MPDZ: variants seen among roughly 807,000 people sequenced by gnomAD.
MPDZ encodes multiple PDZ domain crumbs cell polarity complex component.
A neutral mutation model predicts 239.1 loss-of-function variants in MPDZ; 234 were observed. The ratio of observed to expected loss-of-function variants is 0.98; its 90% confidence interval spans 0.88 to 1.09. The LOEUF (loss-of-function observed/expected upper bound fraction) is 1.09. Ranked by LOEUF, MPDZ falls within the 50% of genes least tolerant of loss-of-function variation. MPDZ has a pLI of 0.00. For missense variants in MPDZ, 3,175 were observed against 2,510.0 expected (o/e 1.26, Z -5.66); for synonymous variants, 1,048 against 881.3 (o/e 1.19, Z -3.35).
chr9:13,127,984 G>A (rs1032480597), intron 32 of MPDZ, among the ~76,000 whole-genome samples: 1 of 152,024 alleles, frequency 6.6e-6, no homozygotes, highest in Non-Finnish European at 1.5e-5. Flanking sequence ...TGGTACAGTG[G>A]GTATTTGCTG....
At chr9:13,224,329 A>G in intron 4 of MPDZ, 45 bp downstream of exon 4, 1 of 1,449,380 alleles carries the variant, frequency 6.9e-7, no homozygotes, top group African/African-American at 1.4e-5. Flanking sequence ...ACATTCTTAA[A>G]TTACTACAGG....
At position 13,190,267 on chromosome 9, in the gene MPDZ, T is replaced by C. The variant is rs1311917066; in HGVS notation, c.2001A>G (p.Ser667=). The C allele has an allele frequency of 6.8e-6, 11 of 1,608,058 alleles. No individual in the cohort carries two copies. The highest frequency in any genetic ancestry group is 9.3e-6 in the Non-Finnish European group (11 of 1,177,470). The change falls in exon 16 of 47, where the codon TCA becomes TCG. Residue 667 remains serine (S), a synonymous_variant. Transcript: ENST00000319217. Reference sequence around the variant, plus strand: ...CCAGCACTGGATCCTCTGTCTCTGATGACCCGATGAACTCACCTAGATCTA... The same window carrying C: ...CCAGCACTGGATCCTCTGTCTCTGACGACCCGATGAACTCACCTAGATCTA... ...PHVDLGEFIG[S]SETEDPVLAM...
At chr9:13,134,374 G>A (rs543756890) in intron 31 of MPDZ, 1 of 152,180 alleles carries the variant, frequency 6.6e-6, no homozygotes, top group Non-Finnish European at 1.5e-5. Context: ...GACATATTTA[G>A]TACAACTAAT....
Position 13,186,398 on chromosome 9 carries a change from A to G in MPDZ, c.2365-12T>C, listed in dbSNP as rs779753621. 8 of 1,514,604 alleles carry G rather than the reference A, an allele frequency of 5.3e-6. No individual in the cohort carries two copies. The Admixed American group carries it at 1.4e-4, about 26-fold the overall frequency. The allele number at this position is 1,514,604 out of a possible 1,614,324, so 93.8% of individuals were successfully genotyped here. A position where few individuals can be genotyped will look rare whatever the true frequency, so the allele number is the denominator to read the frequency against. On this transcript the variant is annotated splice_polypyrimidine_tract_variant and intron_variant, in intron 17 of 46. Transcript: ENST00000319217. ...TCTTCTGGTGAAAGCTGCAGGGAAA[A>G]AATGGTATTCATGGAAAAGAGAGAG...
intron 27 of MPDZ, among the ~76,000 whole-genome samples, chr9:13,142,990 G>T (rs549194602): frequency 1.3e-5 from 2 of 152,078 alleles, no homozygotes; most frequent in South Asian, 4.2e-4. Context: ...CAATTACATG[G>T]GCATGCTTCA....
intron 1 of MPDZ, among the ~76,000 whole-genome samples, chr9:13,259,492 G>C (rs1330283905): frequency 6.6e-6 from 1 of 152,090 alleles, no homozygotes; most frequent in Non-Finnish European, 1.5e-5. Flanking sequence ...ATACAACCTG[G>C]GAACTCACGT....
chr9:13,250,737 A>C (rs1967735049), intron 1 of MPDZ, among the ~76,000 whole-genome samples: 1 of 143,968 alleles, frequency 6.9e-6, no homozygotes, highest in Non-Finnish European at 1.5e-5. Flanking sequence ...ACTCCACATA[A>C]GAAATTCTGT....
At chr9:13,140,987 T>G (rs560535748) in intron 27 of MPDZ, 4 of 152,068 alleles carry the variant, frequency 2.6e-5, no homozygotes, top group Admixed American at 2.6e-4. Context: ...AACACCAGCT[T>G]TCCCTTGCCA....
chr9:13,150,274 T>C (rs998847551), intron 25 of MPDZ, among the ~76,000 whole-genome samples: 1 of 151,876 alleles, frequency 6.6e-6, no homozygotes, highest in Non-Finnish European at 1.5e-5. Context: ...AAGAGAAAAT[T>C]ACGTATGAAA....
intron 3 of MPDZ, among the ~76,000 whole-genome samples, chr9:13,233,024 A>C (rs1252877803): frequency 6.6e-6 from 1 of 152,130 alleles, no homozygotes; most frequent in Non-Finnish European, 1.5e-5. Flanking sequence ...AAATTGGAGA[A>C]AATAAATTTA....
intron 22 of MPDZ, 147 bp downstream of exon 22, chr9:13,168,219 C>CA (rs1182699140): frequency 1.3e-6 from 1 of 750,346 alleles, no homozygotes; most frequent in African/African-American, 1.8e-5. Context: ...GAGAACTACT[C>CA]AAAAATAGTC....
At chr9:13,215,951 T>G (rs962219421) in intron 10 of MPDZ, among the ~76,000 whole-genome samples, 1 of 145,576 alleles carries the variant, frequency 6.9e-6, no homozygotes, top group Non-Finnish European at 1.5e-5. Flanking sequence ...ATTTGTTTTT[T>G]TTTTTTTTTT....
intron 28 of MPDZ, among the ~76,000 whole-genome samples, chr9:13,139,501 C>T (rs368700664): frequency 1.4e-4 from 21 of 152,138 alleles, no homozygotes; most frequent in African/African-American, 4.6e-4. Flanking sequence ...GAGAGATAAC[C>T]ACTAGGCTAA....
chr9:13,279,293 A>ACCCCCGCCCCCG lies in MPDZ; in HGVS notation c.-58+106_-58+107insCGGGGGCGGGGG, dbSNP rs1265203064. 6.0e-5 allele frequency: 3 copies of ACCCCCGCCCCCG among 49,956 alleles called. No homozygotes were observed. In the East Asian group the frequency reaches 1.7e-3, roughly 28 times the overall value. The allele number at this position is 49,956 out of a possible 1,614,324, so 3.1% of individuals were successfully genotyped here. On this transcript the variant is annotated intron_variant, in intron 1 of 46. Coordinates refer to ENST00000319217, the MANE Select transcript of MPDZ (RefSeq NM_001378778.1). ...CACCCCCATCCCCGCCCCCACCCCC[A>ACCCCCGCCCCCG]CCCCCAAGCGCCGAGCCCAGGGCGC...
At chr9:13,109,816 G>T in intron 45 of MPDZ, 136 bp downstream of exon 45, 1 of 695,130 alleles carries the variant, frequency 1.4e-6, no homozygotes, top group Non-Finnish European at 2.5e-6. Context: ...CACCTGATAT[G>T]TATAATTCAC....
intron 1 of MPDZ, among the ~76,000 whole-genome samples, chr9:13,253,635 T>C (rs1029223768): frequency 2.6e-5 from 4 of 152,230 alleles, no homozygotes; most frequent in Admixed American, 6.5e-5. Flanking sequence ...CAGTGGGTCA[T>C]GGCCAACTGG....
intron 3 of MPDZ, among the ~76,000 whole-genome samples, chr9:13,245,451 C>T (rs1966391171): frequency 6.6e-6 from 1 of 150,976 alleles, no homozygotes; most frequent in Admixed American, 6.6e-5. Context: ...GAGACAGGCT[C>T]CAAAGAAAAC....
At chr9:13,259,616 CAG>C (rs1406235436) in intron 1 of MPDZ, among the ~76,000 whole-genome samples, 1 of 152,148 alleles carries the variant, frequency 6.6e-6, no homozygotes, top group Non-Finnish European at 1.5e-5. Flanking sequence ...GACCCCTGCA[CAG>C]AGTCTTAAAG....
intron 46 of MPDZ, among the ~76,000 whole-genome samples, chr9:13,107,353 T>TATGATGGTGG (rs1175356006): frequency 3.3e-5 from 5 of 152,212 alleles, no homozygotes; most frequent in African/African-American, 1.2e-4. Context: ...ATAGATCAGT[T>TATGATGGTGG]GGATGGGTTT....
Sources: allele counts gnomAD v4.1 joint callset (sites outside exome capture counted in the v4.1 genomes callset), GRCh38; gene constraint gnomAD v4.1.1; transcripts MANE v1.5; gene names NCBI Gene and HGNC (gene_info 2026-07-23, HGNC 2026-07-21).